The following SIGLEC11 variants were observed in gnomAD, a reference collection of about 807,000 sequenced individuals.
SIGLEC11 encodes sialic acid-binding Ig-like lectin 11.
Under a neutral mutation model 61.2 loss-of-function variants are expected in SIGLEC11, and 47 were observed. The observed-to-expected ratio is 0.77, with a 90% CI of 0.61 to 0.98. The LOEUF (loss-of-function observed/expected upper bound fraction) is 0.98, where lower values mean the gene tolerates loss of function less well. Among genes scored for constraint, SIGLEC11 ranks in the 50% least tolerant of loss-of-function variants. The pLI is 0.00. For missense variants in SIGLEC11, 610 were observed against 870.3 expected (o/e 0.70, Z 3.76); for synonymous variants, 278 against 373.1 (o/e 0.75, Z 2.94).
chr19:49,958,372 T>G lies in SIGLEC11; in HGVS notation c.1562A>C (p.His521Pro), dbSNP rs774700270. 2.7e-5 allele frequency: 44 copies of G among 1,614,050 alleles called. No homozygotes were observed. The highest frequency in any genetic ancestry group is 4.0e-5 in the African/African-American group (3 of 74,938). ...GPWANSSLSL[H>P]GGLSSGLRLR... ...CCTGAGGCCGGAGCTGAGCCCTCCA[T>G]GGAGGCTCAGGGAGCTGTTGGCCCA... The change falls in exon 8 of 11, where the codon CAT becomes CCT. Residue 521 changes from histidine to proline, a missense_variant. By Grantham distance (77) the His-to-Pro change is moderately conservative. This residue lies in a region of SIGLEC11 where 432 missense variants were observed against 441.5 expected (regional missense o/e 0.98). Coordinates refer to ENST00000447370, the MANE Select transcript of SIGLEC11 (RefSeq NM_052884.3).
rs973393560 is a variant in SIGLEC11, at chr19:49,949,500, T to G, written c.*470A>C. 6.6e-6 allele frequency: 1 copy of G among 152,128 alleles called. No homozygotes were observed. The highest frequency in any genetic ancestry group is 1.5e-5 in the Non-Finnish European group (1 of 68,092). The allele number at this position is 152,128 out of a possible 1,614,324, so 9.4% of individuals were successfully genotyped here. A position where few individuals can be genotyped will look rare whatever the true frequency, so the allele number is the denominator to read the frequency against. ...GAGAAGCTTCTGTAGTAATGAACCA[T>G]AGACACGATGCCTCAAAGTGTCATC... On this transcript the variant is annotated 3_prime_UTR_variant, in exon 11 of 11. Transcript: ENST00000447370.
Position 49,957,887 on chromosome 19 carries a change from T to A in SIGLEC11, c.1651+396A>T, listed in dbSNP as rs1276516876. ...ATGCCTGTAATCCCAGCTACTCAGGTGGCTGAGGCAGGAGAATTGCTTGAA... is the reference window on the plus strand; with the variant it reads ...ATGCCTGTAATCCCAGCTACTCAGGAGGCTGAGGCAGGAGAATTGCTTGAA... On this transcript the variant is annotated intron_variant, in intron 8 of 10. Coordinates refer to ENST00000447370, the MANE Select transcript of SIGLEC11 (RefSeq NM_052884.3). Among the ~76,000 whole-genome samples, 3 of 151,720 alleles carry A rather than the reference T, an allele frequency of 2.0e-5. No individual in the cohort carries two copies. The East Asian group carries it at 5.8e-4, about 29-fold the overall frequency.
chr19:49,954,609 A>G, intron 8 of SIGLEC11, among the ~76,000 whole-genome samples: 1 of 152,120 alleles, frequency 6.6e-6, no homozygotes, highest in East Asian at 1.9e-4. Flanking sequence ...TGGAAACACC[A>G]TACTCCCTCC....
rs1201913066 is a variant in SIGLEC11 at position 49,949,204 on chromosome 19, G to T, written c.*766C>A. On this transcript the variant is annotated 3_prime_UTR_variant, in exon 11 of 11. Transcript: ENST00000447370. ...GGGTTTCACCATCTTGCCCAGGCTG[G>T]TCTTGAACTCCTGACTTGTGATCCA... is the stretch of plus-strand genomic sequence containing the variant. 3 of 151,386 alleles carry T rather than the reference G, an allele frequency of 2.0e-5. No individual in the cohort carries two copies. Among genetic ancestry groups the T allele is most frequent in the Admixed American group, 6.6e-5 (1 of 15,208 alleles). The allele number at this position is 151,386 out of a possible 1,614,324, so 9.4% of individuals were successfully genotyped here. A position where few individuals can be genotyped will look rare whatever the true frequency, so the allele number is the denominator to read the frequency against.
At position 49,958,365 on chromosome 19, in the gene SIGLEC11, C is replaced by G; in HGVS notation, c.1569G>C (p.Gly523=). ...WANSSLSLHG[G]LSSGLRLRCK... ...AGCGGAGCCTGAGGCCGGAGCTGAG[C>G]CCTCCATGGAGGCTCAGGGAGCTGT... The change falls in exon 8 of 11, where the codon GGG becomes GGC. Residue 523 remains glycine (G), a synonymous_variant. Transcript: ENST00000447370. The G allele has an allele frequency of 6.2e-7, 1 of 1,614,222 alleles. No homozygotes were observed.
chr19:49,952,071 C>T (rs1377459363), intron 9 of SIGLEC11, 99 bp from the exon 10 acceptor site: 4 of 1,270,368 alleles, frequency 3.1e-6, no homozygotes, highest in Non-Finnish European at 3.2e-6. Context: ...GCTGCAGAGC[C>T]CAGTGGGGTG....
At position 49,955,543 on chromosome 19, in the gene SIGLEC11, G is replaced by A. The variant is rs766706396; in HGVS notation, c.1651+2740C>T. ...GCCCACGCCGTAGCCCAGTCCCACT[G>A]GCCAGCTGTAGGAGCAGGATAACTC... is the stretch of plus-strand genomic sequence containing the variant. On this transcript the variant is annotated intron_variant, in intron 8 of 10. Transcript: ENST00000447370. The surrounding 1 kb of genome is among the most constrained non-coding windows in gnomAD (Gnocchi z 4.5). Among the ~76,000 whole-genome samples the A allele has an allele frequency of 1.8e-4, 28 of 152,216 alleles. No homozygotes were observed. The highest frequency in any genetic ancestry group is 3.7e-4 in the Non-Finnish European group (25 of 68,046).
At position 49,951,535 on chromosome 19, in the gene SIGLEC11, T is replaced by C. The variant is rs980125201; in HGVS notation, c.1830+356A>G. ...GGACCCTTAGCTTTGTAGTAGACAATAGTCATCTGAGGAAAGGACTCTCTG... is the reference window on the plus strand; with the variant it reads ...GGACCCTTAGCTTTGTAGTAGACAACAGTCATCTGAGGAAAGGACTCTCTG... On this transcript the variant is annotated intron_variant, in intron 10 of 10. Coordinates refer to ENST00000447370, the MANE Select transcript of SIGLEC11 (RefSeq NM_052884.3). This position sits in a 1 kb window ranked among gnomAD's most constrained non-coding sequence, Gnocchi z 4.6. Among the ~76,000 whole-genome samples the C allele has an allele frequency of 2.0e-5, 3 of 152,018 alleles. No homozygotes were observed. The highest frequency in any genetic ancestry group is 6.5e-5 in the Admixed American group (1 of 15,274).
At chr19:49,958,995 C>T (rs1449458404) in intron 6 of SIGLEC11, 35 bp downstream of exon 6, 1 of 1,613,516 alleles carries the variant, frequency 6.2e-7, no homozygotes. Context: ...CAGTTTGGCA[C>T]TGAGAGGCCC....
rs767478430 is a variant in SIGLEC11 at position 49,958,319 on chromosome 19, C to G, written c.1615G>C (p.Gly539Arg). 1.2e-6 allele frequency: 2 copies of G among 1,614,216 alleles called. No homozygotes were observed. The highest frequency in any genetic ancestry group is 1.7e-6 in the Non-Finnish European group (2 of 1,180,038). Residue 539 changes from glycine to arginine, a missense_variant, in exon 8 of 11, where the codon GGG becomes CGG. Transcript: ENST00000447370. ...TGGAAGACAGAGCCACTCTGGGCCC[C>G]GTGGACGTTCCAGGCCTTACAGCGG... ...RLRCKAWNVH[G>R]AQSGSVFQLL...
rs1278619599 is a variant in SIGLEC11, at chr19:49,955,731, G to A, written c.1651+2552C>T. The stretch of plus-strand genomic sequence containing the variant: ...GGACAGATCACAGGGTCAGGAGATT[G>A]AGACCATCCTGGCTAACACTGTGAA... On this transcript the variant is annotated intron_variant, in intron 8 of 10. Coordinates refer to ENST00000447370, the MANE Select transcript of SIGLEC11 (RefSeq NM_052884.3). The surrounding 1 kb of genome is among the most constrained non-coding windows in gnomAD (Gnocchi z 4.5). Among the ~76,000 whole-genome samples the A allele has an allele frequency of 6.6e-6, 1 of 152,108 alleles. No individual in the cohort carries two copies.
intron 8 of SIGLEC11, 98 bp downstream of exon 8, chr19:49,958,185 C>T (rs1206143790): frequency 6.5e-7 from 1 of 1,549,338 alleles, no homozygotes; most frequent in Non-Finnish European, 8.7e-7. Flanking sequence ...CATCCCTTCC[C>T]ACCACGCCCA....
intron 8 of SIGLEC11, among the ~76,000 whole-genome samples, 160 bp from the exon 9 acceptor site, chr19:49,952,554 G>C (rs951322228): frequency 1.3e-5 from 2 of 152,148 alleles, no homozygotes; most frequent in Non-Finnish European, 2.9e-5. Flanking sequence ...TAACAGGCAA[G>C]GAAAGGGTTA....
rs1274411408 is a variant in SIGLEC11 at position 49,955,453 on chromosome 19, G to GA, written c.1651+2829dup. 6.6e-6 allele frequency among the ~76,000 whole-genome samples: 1 copy of GA among 152,122 alleles called. No homozygotes were observed. The highest frequency in any genetic ancestry group is 1.5e-5 in the Non-Finnish European group (1 of 68,012). On this transcript the variant is annotated intron_variant, in intron 8 of 10. Transcript: ENST00000447370. This position sits in a 1 kb window ranked among gnomAD's most constrained non-coding sequence, Gnocchi z 4.5. ...GCCCAAAAAAGTAAGTGTGAAAAAGGAAAAAAGAAAAATCAGAAAGAAACA... is the reference window on the plus strand; with the variant it reads ...GCCCAAAAAAGTAAGTGTGAAAAAGGAAAAAAAGAAAAATCAGAAAGAAACA...
Position 49,958,486 on chromosome 19 carries a change from G to A in SIGLEC11, c.1448C>T (p.Pro483Leu), listed in dbSNP as rs761548091. Reference sequence around the variant, plus strand: ...CTCCCCAAGCCACCAGCGCAGAGAGGGGGCCGGGCTGGCCTGGGAGGAGCA... The same window carrying A: ...CTCCCCAAGCCACCAGCGCAGAGAGAGGGCCGGGCTGGCCTGGGAGGAGCA... ...CSCSSQASPA[P>L]SLRWWLGEEL... The change falls in exon 8 of 11, where the codon CCC becomes CTC. Residue 483 changes from proline to leucine, a missense_variant. This residue lies in a region of SIGLEC11 where 432 missense variants were observed against 441.5 expected (regional missense o/e 0.98). Transcript: ENST00000447370. 3.7e-6 allele frequency: 6 copies of A among 1,611,626 alleles called. No individual in the cohort carries two copies. In the African/African-American group the frequency reaches 6.7e-5, roughly 18 times the overall value.
chr19:49,960,628 C>T lies in SIGLEC11; in HGVS notation c.384G>A (p.Trp128Ter), dbSNP rs142946176. ...TTCCTCTCTCCACCCGAAAGAAGTACCATGCCTCATCCTCCCTCTGCGCGT... is the reference window on the plus strand; with the variant it reads ...TTCCTCTCTCCACCCGAAAGAAGTATCATGCCTCATCCTCCCTCTGCGCGT... The part of the protein sequence containing the change: ...IRDAQREDEA[W>*]YFFRVERGSR... The change falls in exon 2 of 11, where the codon TGG (tryptophan) becomes TGA (stop). Residue 128 changes from tryptophan to a stop codon, truncating the protein, a stop_gained. Coordinates refer to ENST00000447370, the MANE Select transcript of SIGLEC11 (RefSeq NM_052884.3). LOFTEE classifies it high-confidence loss of function. The T allele has an allele frequency of 1.2e-5, 19 of 1,602,398 alleles. No individual in the cohort carries two copies. The African/African-American group carries it at 2.3e-4, about 19-fold the overall frequency.
At position 49,957,945 on chromosome 19, in the gene SIGLEC11, C is replaced by T. The variant is rs867575977; in HGVS notation, c.1651+338G>A. Among the ~76,000 whole-genome samples, 8 of 151,880 alleles carry T rather than the reference C, an allele frequency of 5.3e-5. No individual in the cohort carries two copies. The East Asian group carries it at 1.2e-3, about 22-fold the overall frequency. On this transcript the variant is annotated intron_variant, in intron 8 of 10. Coordinates refer to ENST00000447370, the MANE Select transcript of SIGLEC11 (RefSeq NM_052884.3). ...GGCAGAGGTTGCAGTGAGCCGAGAT[C>T]GAGCCACTGCACTCCAGCCTTGCTG...
rs537302359 is a variant in SIGLEC11 at position 49,952,935 on chromosome 19, T to A, written c.1652-541A>T. Reference sequence around the variant, plus strand: ...CTGCTCATAAAAACCTCGCTCTGTCTTTGTTTCATGCTCAGCTTTTTAGAT... The same window carrying A: ...CTGCTCATAAAAACCTCGCTCTGTCATTGTTTCATGCTCAGCTTTTTAGAT... On this transcript the variant is annotated intron_variant, in intron 8 of 10. Transcript: ENST00000447370. Among the ~76,000 whole-genome samples the A allele has an allele frequency of 6.0e-4, 92 of 152,352 alleles. 1 individual carries two copies. Among genetic ancestry groups the A allele is most frequent in the Middle Eastern group, 6.8e-3 (2 of 294 alleles).
rs967828617 is a variant in SIGLEC11 at position 49,958,400 on chromosome 19, G to A, written c.1534C>T (p.Pro512Ser). ...SFEVTPSSAG[P>S]WANSSLSLHG... is the part of the protein sequence containing the mutation. ...AGGCTCAGGGAGCTGTTGGCCCAGG[G>A]CCCGGCTGAGCTGGGGGTGACCTCG... is the stretch of plus-strand genomic sequence containing the variant. The change falls in exon 8 of 11, where the codon CCC (proline) becomes TCC (serine). Residue 512 changes from proline (P) to serine (S), a missense_variant. Physicochemically the swap from Pro to Ser is moderately conservative, Grantham distance 74. Coordinates refer to ENST00000447370, the MANE Select transcript of SIGLEC11 (RefSeq NM_052884.3). 2 of 1,613,996 alleles carry A rather than the reference G, an allele frequency of 1.2e-6. No homozygotes were observed. The highest frequency in any genetic ancestry group is 1.7e-6 in the Non-Finnish European group (2 of 1,180,036).
Sources: allele counts gnomAD v4.1 joint callset (sites outside exome capture counted in the v4.1 genomes callset), GRCh38; gene constraint gnomAD v4.1.1; regional missense constraint gnomAD v4.1.1; non-coding constraint Gnocchi (gnomAD v3.1); transcripts MANE v1.5; gene names NCBI Gene and HGNC (gene_info 2026-07-23, HGNC 2026-07-21).